Variants in RGS12 observed in about 807,000 individuals in gnomAD.
The protein encoded by RGS12 is regulator of G protein signaling 12, also known as regulator of G-protein signaling 12.
In RGS12, 66 loss-of-function variants were observed where a neutral mutation model predicts 120.1. That is an observed-to-expected ratio of 0.55 (90% confidence interval 0.45 to 0.67). The LOEUF (loss-of-function observed/expected upper bound fraction) is 0.67, where lower values mean the gene tolerates loss of function less well. Among genes scored for constraint, RGS12 ranks in the 30% least tolerant of loss-of-function variants. The pLI, the probability that RGS12 is intolerant of heterozygous loss-of-function variation, is 0.00. For missense variants in RGS12, 1,859 were observed against 1,957.7 expected (o/e 0.95, Z 0.95); for synonymous variants, 827 against 804.7 (o/e 1.03, Z -0.47).
rs939329057 is a variant in RGS12 at position 3,400,661 on chromosome 4, C to G, written c.2021-13411C>G. 3.1e-4 allele frequency among the ~76,000 whole-genome samples: 46 copies of G among 148,000 alleles called. 1 individual carries two copies. The highest frequency in any genetic ancestry group is 1.1e-3 in the African/African-American group (44 of 40,690). ...TAGTTTTAGTAATACTAACTACTAG[C>G]TAGTATTACTATTAGAATTAGTATT... On this transcript the variant is annotated intron_variant, in intron 4 of 17. Coordinates refer to ENST00000336727, the MANE Select transcript of RGS12 (RefSeq NM_001394154.1).
intron 15 of RGS12, 82 bp from the exon 16 acceptor site, chr4:3,428,476 A>T: frequency 8.3e-7 from 1 of 1,206,676 alleles, no homozygotes; most frequent in African/African-American, 1.5e-5. Context: ...TATTTCATAG[A>T]GCCTTCTACT....
chr4:3,333,555 A>C (rs1712110952), intron 2 of RGS12, among the ~76,000 whole-genome samples: 1 of 152,114 alleles, frequency 6.6e-6, no homozygotes, highest in Non-Finnish European at 1.5e-5. Context: ...ACGAAAGTTA[A>C]CTTTTTTCTC....
chr4:3,335,207 A>C (rs1429936661), intron 2 of RGS12, among the ~76,000 whole-genome samples: 2 of 152,034 alleles, frequency 1.3e-5, no homozygotes, highest in East Asian at 3.9e-4. Flanking sequence ...CTTTGTGCAC[A>C]TTTTTCTCCT....
chr4:3,321,573 T>C (rs1725193538), intron 2 of RGS12, among the ~76,000 whole-genome samples: 1 of 152,210 alleles, frequency 6.6e-6, no homozygotes, highest in Non-Finnish European at 1.5e-5. Flanking sequence ...CCAGCGTCTG[T>C]ATGCACCCTT....
chr4:3,308,273 A>C (rs996475233), intron 1 of RGS12, among the ~76,000 whole-genome samples: 2 of 152,226 alleles, frequency 1.3e-5, no homozygotes, highest in African/African-American at 2.4e-5. Flanking sequence ...AAAGAAACAC[A>C]TGTGACGATC....
chr4:3,420,275 G>A (rs1722857838), intron 9 of RGS12: 1 of 294,740 alleles, frequency 3.4e-6, no homozygotes. Flanking sequence ...TGGAATGGAG[G>A]AAAGGCCCTT....
At chr4:3,432,177 A>G (rs1724373649) in intron 17 of RGS12, 2 of 984,928 alleles carry the variant, frequency 2.0e-6, no homozygotes, top group African/African-American at 1.7e-5. Flanking sequence ...TCATCACTGG[A>G]CTGGCTTACA....
At chr4:3,315,307 G>A (rs1166320631) in intron 1 of RGS12, among the ~76,000 whole-genome samples, 6 of 152,166 alleles carry the variant, frequency 3.9e-5, no homozygotes, top group African/African-American at 1.2e-4. Context: ...CTGGCCTGGG[G>A]GTGATCCGCG....
At position 3,316,215 on chromosome 4, in the gene RGS12, G is replaced by T. The variant is rs377043527; in HGVS notation, c.45G>T (p.Pro15=). The change falls in exon 2 of 18, where the codon CCG becomes CCT. Residue 15 remains proline (P), a synonymous_variant. Coordinates refer to ENST00000336727, the MANE Select transcript of RGS12 (RefSeq NM_001394154.1). ...GEASKRPLPG[P]SPPRVRSVEV... is the part of the protein sequence containing the mutation. ...CCTCCAAACGCCCATTGCCTGGGCC[G>T]TCGCCCCCAAGGGTGCGGAGTGTGG... is the stretch of plus-strand genomic sequence containing the variant. The T allele has an allele frequency of 1.9e-6, 3 of 1,597,372 alleles. No homozygotes were observed. The highest frequency in any genetic ancestry group is 2.7e-5 in the African/African-American group (2 of 74,498).
At chr4:3,299,222 C>T (rs905791077) in intron 1 of RGS12, among the ~76,000 whole-genome samples, 1 of 152,010 alleles carries the variant, frequency 6.6e-6, no homozygotes, top group Non-Finnish European at 1.5e-5. Flanking sequence ...GATGGCTCAC[C>T]ACTGGCCAGG....
chr4:3,321,332 T>C (rs1196510005), intron 2 of RGS12, among the ~76,000 whole-genome samples: 1 of 152,044 alleles, frequency 6.6e-6, no homozygotes, highest in Non-Finnish European at 1.5e-5. Context: ...CAGGTGAGGA[T>C]TGGTGGCTGT....
At chr4:3,413,720 G>A (rs1288796349) in intron 4 of RGS12, 1 of 231,524 alleles carries the variant, frequency 4.3e-6, no homozygotes, top group Non-Finnish European at 8.4e-6. Context: ...TGCTTTTCCT[G>A]TTCAACCCTG....
At chr4:3,314,764 A>C (rs1322449237) in intron 1 of RGS12, 1 of 152,260 alleles carries the variant, frequency 6.6e-6, no homozygotes. Context: ...TTCACAACAC[A>C]ATCACTTACT....
intron 3 of RGS12, among the ~76,000 whole-genome samples, chr4:3,356,661 A>G (rs1328544048): frequency 3.3e-5 from 5 of 151,922 alleles, no homozygotes; most frequent in Admixed American, 1.3e-4. Flanking sequence ...TCTTTTTGTA[A>G]CTGGCTTATT....
rs556474164 is a variant in RGS12, at chr4:3,311,204, C to G, written c.-101-4866C>G. 2.2e-3 allele frequency among the ~76,000 whole-genome samples: 339 copies of G among 152,330 alleles called. 3 individuals are homozygous for G. Among genetic ancestry groups the G allele is most frequent in the Non-Finnish European group, 4.0e-3 (275 of 68,034 alleles). ...AGGACGGCGTCTCTCTCGCCTCACA[C>G]TGTGTGCACGGGCAGTGCGGACGGG... On this transcript the variant is annotated intron_variant, in intron 1 of 17. Coordinates refer to ENST00000336727, the MANE Select transcript of RGS12 (RefSeq NM_001394154.1).
At position 3,316,509 on chromosome 4, in the gene RGS12, C is replaced by CT. The variant is rs1724765661; in HGVS notation, c.340dup (p.Tyr114LeufsTer2). ...GTTCCAGTGATGAAGAAGGGGGACT[C>CT]TATGAAGGAAAAGGCTGGCTGAAGC... On this transcript the variant is annotated frameshift_variant, in exon 2 of 18. Coordinates refer to ENST00000336727, the MANE Select transcript of RGS12 (RefSeq NM_001394154.1). LOFTEE classifies it high-confidence loss of function. The CT allele has an allele frequency of 6.2e-7, 1 of 1,614,084 alleles. No individual in the cohort carries two copies. The highest frequency in any genetic ancestry group is 2.2e-5 in the East Asian group (1 of 44,880).
At chr4:3,331,843 C>T (rs1035386078) in intron 2 of RGS12, among the ~76,000 whole-genome samples, 1 of 152,222 alleles carries the variant, frequency 6.6e-6, no homozygotes, top group Admixed American at 6.5e-5. Flanking sequence ...GGAGAGGAGC[C>T]TCATGGGCCT....
chr4:3,309,079 G>A (rs1042212853), intron 1 of RGS12, among the ~76,000 whole-genome samples: 2 of 124,160 alleles, frequency 1.6e-5, no homozygotes. Context: ...GCTGGGACTC[G>A]GGAATGGCAG....
intron 1 of RGS12, among the ~76,000 whole-genome samples, chr4:3,301,871 A>C (rs1473198410): frequency 6.6e-6 from 1 of 152,162 alleles, no homozygotes; most frequent in Non-Finnish European, 1.5e-5. Flanking sequence ...AGCCAGGTTT[A>C]AACACAGCCT....
Sources: gnomAD v4.1 joint callset for allele counts (sites outside exome capture counted in the v4.1 genomes callset) on GRCh38, gnomAD v4.1.1 for gene constraint, MANE v1.5 for transcripts, NCBI Gene and HGNC (gene_info 2026-07-23, HGNC 2026-07-21) for gene names.